The following GLIS3 variants were observed in gnomAD, a reference collection of about 807,000 sequenced individuals.
GLIS3 encodes the protein zinc finger protein GLIS3.
GLIS3 carries 53 observed loss-of-function variants against 78.6 expected under a neutral mutation model. That is an observed-to-expected ratio of 0.67 (90% confidence interval 0.54 to 0.85). The LOEUF (loss-of-function observed/expected upper bound fraction) is 0.85. Ranked by LOEUF, GLIS3 falls within the 40% of genes least tolerant of loss-of-function variation. The pLI is 0.00. For synonymous variants in GLIS3, 684 were observed against 509.9 expected, an observed-to-expected ratio of 1.34 and a Z score of -4.60; for missense variants, 1,703 against 1,231.1, an observed-to-expected ratio of 1.38 and a Z score of -5.74.
intron 4 of GLIS3, among the ~76,000 whole-genome samples, chr9:3,984,328 T>A (rs148838194): frequency 5.3e-5 from 8 of 152,360 alleles, no homozygotes; most frequent in Non-Finnish European, 7.3e-5. Context: ...CGGGCAGAGC[T>A]GCCCAAGACC....
intron 4 of GLIS3, among the ~76,000 whole-genome samples, chr9:4,046,857 C>A (rs1019845134): frequency 1.7e-4 from 26 of 152,184 alleles, no homozygotes; most frequent in African/African-American, 5.8e-4. Flanking sequence ...AGAGGCAATA[C>A]TTCATCTAGG....
chr9:4,182,229 TTAAC>T (rs1228360524), intron 2 of GLIS3, among the ~76,000 whole-genome samples: 1 of 152,190 alleles, frequency 6.6e-6, no homozygotes, highest in Non-Finnish European at 1.5e-5. Context: ...GACAAATAGT[TTAAC>T]TGAGCAGTAG....
chr9:4,397,865 A>G, the GLIS3 span, among the ~76,000 whole-genome samples: 12 of 151,956 alleles, frequency 7.9e-5, no homozygotes, highest in Admixed American at 7.9e-4. Flanking sequence ...GGGATGAAGA[A>G]AAATGAGCAT....
chr9:4,458,869 A>G, the GLIS3 span, among the ~76,000 whole-genome samples: 3 of 152,312 alleles, frequency 2.0e-5, no homozygotes, highest in South Asian at 6.2e-4. Flanking sequence ...CAAAGACTCT[A>G]AAGTGGGAAA....
At chr9:4,231,717 G>A (rs1372847129) in intron 2 of GLIS3, among the ~76,000 whole-genome samples, 2 of 152,140 alleles carry the variant, frequency 1.3e-5, no homozygotes, top group Non-Finnish European at 2.9e-5. Flanking sequence ...ATAATCTTAT[G>A]ACCAACTAAG....
Position 4,056,898 on chromosome 9 carries a change from C to CTTTT in GLIS3, c.1710+60866_1710+60869dup, listed in dbSNP as rs34752011. 1.9e-4 allele frequency among the ~76,000 whole-genome samples: 19 copies of CTTTT among 98,060 alleles called. 1 individual carries two copies. The highest frequency in any genetic ancestry group is 3.7e-4 in the Admixed American group (3 of 8,014). The allele number at this position is 98,060 out of a possible 152,430, so 64.3% of individuals were successfully genotyped here. Reference sequence around the variant, plus strand: ...GAAAAAGCTGCTCCTCTTCAAGACACTTTTTTTTTTTTTTTTTTTTTTGCC... The same window carrying CTTTT: ...GAAAAAGCTGCTCCTCTTCAAGACACTTTTTTTTTTTTTTTTTTTTTTTTTTGCC... On this transcript the variant is annotated intron_variant, in intron 4 of 10. Coordinates refer to ENST00000381971, the MANE Select transcript of GLIS3 (RefSeq NM_001042413.2).
the GLIS3 span, among the ~76,000 whole-genome samples, chr9:4,367,386 G>C: frequency 6.6e-6 from 1 of 152,042 alleles, no homozygotes; most frequent in Non-Finnish European, 1.5e-5. Flanking sequence ...TAGGATTCAA[G>C]TGAAACACCA....
intron 10 of GLIS3, 29 bp from the exon 11 acceptor site, chr9:3,828,437 G>A: frequency 6.2e-7 from 1 of 1,611,360 alleles, no homozygotes; most frequent in Non-Finnish European, 8.5e-7. Context: ...AGTTAAGTCA[G>A]TAACTCCTGC....
At chr9:3,843,229 A>C (rs190317758) in intron 9 of GLIS3, among the ~76,000 whole-genome samples, 1 of 152,264 alleles carries the variant, frequency 6.6e-6, no homozygotes, top group Non-Finnish European at 1.5e-5. Flanking sequence ...TTCGAATCCG[A>C]GTCTGTTATT....
At chr9:3,942,796 T>C (rs1376713972) in intron 4 of GLIS3, among the ~76,000 whole-genome samples, 3 of 152,196 alleles carry the variant, frequency 2.0e-5, no homozygotes, top group African/African-American at 7.2e-5. Flanking sequence ...TTGGAGCTTA[T>C]ACTTTGAGCA....
chr9:4,047,606 G>A (rs751655898), intron 4 of GLIS3, among the ~76,000 whole-genome samples: 6 of 152,180 alleles, frequency 3.9e-5, no homozygotes, highest in Non-Finnish European at 5.9e-5. Context: ...GGGAGCTAGA[G>A]ATGCATAAGT....
At chr9:3,866,408 C>T (rs1820586254) in intron 8 of GLIS3, among the ~76,000 whole-genome samples, 1 of 152,148 alleles carries the variant, frequency 6.6e-6, no homozygotes, top group Non-Finnish European at 1.5e-5. Context: ...TTGCAGTGAG[C>T]CGAGATCACG....
chr9:4,043,014 A>G (rs1824951585), intron 4 of GLIS3, among the ~76,000 whole-genome samples: 1 of 151,664 alleles, frequency 6.6e-6, no homozygotes, highest in Admixed American at 6.6e-5. Flanking sequence ...TCTTGGAAAT[A>G]TCAAAAGAAA....
the GLIS3 span, among the ~76,000 whole-genome samples, chr9:4,472,439 G>A: frequency 6.6e-6 from 1 of 152,180 alleles, no homozygotes; most frequent in African/African-American, 2.4e-5. Context: ...AAAAAAGGAT[G>A]AATTCACGTC....
At chr9:4,064,442 C>CATT (rs1440118290) in intron 4 of GLIS3, among the ~76,000 whole-genome samples, 3 of 152,084 alleles carry the variant, frequency 2.0e-5, no homozygotes, top group Admixed American at 2.0e-4. Flanking sequence ...AAAATGCATG[C>CATT]ATTAGTTCAA....
chr9:4,175,638 G>A (rs1399270364), intron 2 of GLIS3, among the ~76,000 whole-genome samples: 2 of 152,100 alleles, frequency 1.3e-5, no homozygotes, highest in Non-Finnish European at 2.9e-5. Context: ...CTAAACTTCT[G>A]ATTCTACCCA....
intron 4 of GLIS3, among the ~76,000 whole-genome samples, chr9:4,073,445 C>T (rs1013480741): frequency 1.3e-5 from 2 of 152,188 alleles, no homozygotes; most frequent in Non-Finnish European, 2.9e-5. Context: ...CATGGGCTCC[C>T]ACTTTCTGAA....
the GLIS3 span, among the ~76,000 whole-genome samples, chr9:4,457,691 C>CA: frequency 5.8e-4 from 87 of 149,882 alleles, no homozygotes; most frequent in African/African-American, 1.8e-3. Context: ...ACTAAAAATA[C>CA]AAAAAAAAAT....
chr9:4,110,821 C>T (rs1428293499), intron 4 of GLIS3, among the ~76,000 whole-genome samples: 1 of 152,180 alleles, frequency 6.6e-6, no homozygotes, highest in Non-Finnish European at 1.5e-5. Context: ...ACATCTCTTT[C>T]CCAAATCATT....
Sources: gnomAD v4.1 joint callset for allele counts (sites outside exome capture counted in the v4.1 genomes callset) on GRCh38, gnomAD v4.1.1 for gene constraint, MANE v1.5 for transcripts, NCBI Gene and HGNC (gene_info 2026-07-23, HGNC 2026-07-21) for gene names.